Variants in WDR70 observed in about 807,000 individuals in gnomAD.
The protein encoded by WDR70 is WD repeat-containing protein 70.
A neutral mutation model predicts 88.6 loss-of-function variants in WDR70; 53 were observed. The observed-to-expected ratio is 0.60, with a 90% CI of 0.48 to 0.75. The LOEUF is 0.75. WDR70 is among the 30% of genes least tolerant of loss of function. WDR70 has a pLI of 0.00. For synonymous variants in WDR70, 280 were observed against 270.0 expected (o/e 1.04, Z -0.36); for missense variants, 610 against 823.2 (o/e 0.74, Z 3.17).
At chr5:37,449,966 C>CA (rs1169444801) in intron 7 of WDR70, among the ~76,000 whole-genome samples, 4 of 152,244 alleles carry the variant, frequency 2.6e-5, no homozygotes, top group Admixed American at 2.6e-4. Flanking sequence ...TCTCATTGTT[C>CA]AGCTCCCACT....
intron 10 of WDR70, among the ~76,000 whole-genome samples, chr5:37,670,869 G>A (rs1746005614): frequency 6.6e-6 from 1 of 152,116 alleles, no homozygotes; most frequent in South Asian, 2.1e-4. Flanking sequence ...GCCAGTGGCT[G>A]GGACAATATT....
intron 7 of WDR70, among the ~76,000 whole-genome samples, chr5:37,455,452 G>T (rs1327714738): frequency 6.6e-6 from 1 of 151,202 alleles, no homozygotes; most frequent in Admixed American, 6.6e-5. Context: ...ATGTTGGCCA[G>T]GCTGGTCTTG....
intron 13 of WDR70, among the ~76,000 whole-genome samples, chr5:37,709,529 T>C (rs72743175): frequency 0.014 from 2,156 of 151,732 alleles, 21 homozygotes; most frequent in Non-Finnish European, 0.024. Flanking sequence ...TGGTTGTTTC[T>C]TGGTCTTCCA....
intron 4 of WDR70, among the ~76,000 whole-genome samples, chr5:37,395,747 T>C (rs922406367): frequency 2.6e-5 from 4 of 152,162 alleles, no homozygotes; most frequent in African/African-American, 9.7e-5. Flanking sequence ...TATTTTGTAG[T>C]TTTTCTTCTG....
intron 9 of WDR70, among the ~76,000 whole-genome samples, chr5:37,604,591 G>A (rs999485931): frequency 2.6e-5 from 4 of 152,210 alleles, no homozygotes; most frequent in African/African-American, 7.2e-5. Context: ...AGGGGAATGA[G>A]ATCTTTGCTT....
At chr5:37,720,299 A>G (rs900444792) in intron 13 of WDR70, among the ~76,000 whole-genome samples, 5 of 152,244 alleles carry the variant, frequency 3.3e-5, no homozygotes, top group Admixed American at 6.5e-5. Context: ...TATAGAACCT[A>G]GTACATGGGG....
chr5:37,731,511 C>T (rs1023049300), intron 17 of WDR70, among the ~76,000 whole-genome samples: 6 of 152,126 alleles, frequency 3.9e-5, no homozygotes, highest in African/African-American at 1.4e-4. Context: ...CATGTCAACA[C>T]ATCATTGGCA....
chr5:37,453,620 A>C (rs533851346), intron 7 of WDR70, among the ~76,000 whole-genome samples: 1 of 152,152 alleles, frequency 6.6e-6, no homozygotes, highest in Non-Finnish European at 1.5e-5. Flanking sequence ...AGATTTGTTT[A>C]TGGCCAGTTT....
At chr5:37,715,801 T>C (rs1197879725) in intron 13 of WDR70, among the ~76,000 whole-genome samples, 1 of 152,212 alleles carries the variant, frequency 6.6e-6, no homozygotes, top group Non-Finnish European at 1.5e-5. Flanking sequence ...CTTGTGGAAG[T>C]CTGAAGAAAG....
intron 10 of WDR70, among the ~76,000 whole-genome samples, chr5:37,634,192 G>A (rs907507068): frequency 3.3e-5 from 5 of 151,566 alleles, no homozygotes; most frequent in East Asian, 1.9e-4. Flanking sequence ...CCAGCTACTC[G>A]GGAGGCTGAG....
chr5:37,729,056 C>G (rs183876676), intron 17 of WDR70, among the ~76,000 whole-genome samples: 4 of 152,160 alleles, frequency 2.6e-5, no homozygotes, highest in Non-Finnish European at 5.9e-5. Flanking sequence ...CAAATTGTTC[C>G]ACCTTTGGCC....
intron 7 of WDR70, among the ~76,000 whole-genome samples, chr5:37,462,090 A>T (rs1314292408): frequency 6.6e-6 from 1 of 152,126 alleles, no homozygotes; most frequent in East Asian, 1.9e-4. Context: ...TCCTGATTTA[A>T]TATTTTTCTA....
At chr5:37,738,080 CA>C (rs919624187) in intron 17 of WDR70, among the ~76,000 whole-genome samples, 1 of 150,174 alleles carries the variant, frequency 6.7e-6, no homozygotes, top group Non-Finnish European at 1.5e-5. Flanking sequence ...AGCTCTTCAC[CA>C]AAAAAAGGAA....
intron 9 of WDR70, among the ~76,000 whole-genome samples, chr5:37,585,150 C>G (rs1478875686): frequency 1.3e-5 from 2 of 151,774 alleles, no homozygotes; most frequent in Non-Finnish European, 2.9e-5. Flanking sequence ...ACCACCACGC[C>G]TGGCTAATTT....
In WDR70 at chr5:37,691,514, T is replaced by A. The variant is rs1053600603; in HGVS notation, c.1093-6141T>A. Among the ~76,000 whole-genome samples, 4 of 152,218 alleles carry A rather than the reference T, an allele frequency of 2.6e-5. No individual in the cohort carries two copies. In the South Asian group the frequency reaches 8.3e-4, roughly 31 times the overall value. ...AACAGAAATCACAACAAACTGTCTC[T>A]CAGACTACAGTGCAATCAAATTAGA... On this transcript the variant is annotated intron_variant, in intron 10 of 17. Coordinates refer to ENST00000265107, the MANE Select transcript of WDR70 (RefSeq NM_018034.4).
At chr5:37,432,035 A>G (rs1446810620) in intron 5 of WDR70, among the ~76,000 whole-genome samples, 2 of 152,208 alleles carry the variant, frequency 1.3e-5, no homozygotes, top group African/African-American at 2.4e-5. Flanking sequence ...ATAGCTCTTC[A>G]AGACTCTGCT....
chr5:37,613,294 A>G (rs2112490699), intron 10 of WDR70, among the ~76,000 whole-genome samples: 1 of 152,320 alleles, frequency 6.6e-6, no homozygotes, highest in East Asian at 1.9e-4. Context: ...CTGAAACCTC[A>G]CTAAAGTGAC....
chr5:37,417,997 C>CCAAA (rs1749815470), intron 5 of WDR70, among the ~76,000 whole-genome samples: 1 of 152,094 alleles, frequency 6.6e-6, no homozygotes, highest in Non-Finnish European at 1.5e-5. Context: ...TCCACTCCAC[C>CCAAA]CAAAGCATTG....
At chr5:37,395,894 G>C (rs1048567555) in intron 4 of WDR70, among the ~76,000 whole-genome samples, 1 of 152,202 alleles carries the variant, frequency 6.6e-6, no homozygotes, top group South Asian at 2.1e-4. Context: ...TTGACCTCCT[G>C]GACTCAAGTG....
Sources: gnomAD v4.1 joint callset for allele counts (sites outside exome capture counted in the v4.1 genomes callset) on GRCh38, gnomAD v4.1.1 for gene constraint, MANE v1.5 for transcripts, NCBI Gene and HGNC (gene_info 2026-07-23, HGNC 2026-07-21) for gene names.